NKTR: variants seen among roughly 807,000 people sequenced by gnomAD.
NKTR encodes the protein natural killer cell triggering receptor.
NKTR carries 67 observed loss-of-function variants against 156.3 expected under a neutral mutation model. That is an observed-to-expected ratio of 0.43 (90% CI 0.35 to 0.53). The LOEUF (loss-of-function observed/expected upper bound fraction) is 0.53. Among genes scored for constraint, NKTR ranks in the 20% least tolerant of loss-of-function variants. The pLI, the probability that NKTR is intolerant of heterozygous loss-of-function variation, is 0.01. For synonymous variants in NKTR, 640 were observed against 596.6 expected, an observed-to-expected ratio of 1.07 and a Z score of -1.06; for missense variants, 1,604 against 1,730.9, an observed-to-expected ratio of 0.93 and a Z score of 1.30.
intron 2 of NKTR, chr3:42,601,499 A>G (rs1034213220): frequency 2.0e-5 from 3 of 152,970 alleles, no homozygotes; most frequent in East Asian, 3.8e-4. Flanking sequence ...TTTTGCCTCT[A>G]TTTTTCCTTA....
In NKTR at chr3:42,627,792, T is replaced by C. The variant is rs560493303; in HGVS notation, c.375-2754T>C. 12 of 984,478 alleles carry C rather than the reference T, an allele frequency of 1.2e-5. No homozygotes were observed. The South Asian group carries it at 4.2e-4, about 35-fold the overall frequency. The allele number at this position is 984,478 out of a possible 1,614,324, so 61.0% of individuals were successfully genotyped here. ...ATGTTTTCATAAGCATATATAAATT[T>C]AAACATTTTTGATAGCCTCTGGCCT... On this transcript the variant is annotated intron_variant, in intron 6 of 16. Transcript: ENST00000232978.
At position 42,620,445 on chromosome 3, in the gene NKTR, T is replaced by C. The variant is rs550518063; in HGVS notation, c.286+737T>C. 3 of 995,176 alleles carry C rather than the reference T, an allele frequency of 3.0e-6. No individual in the cohort carries two copies. In the South Asian group the frequency reaches 1.4e-4, roughly 46 times the overall value. 61.6% of individuals were successfully genotyped at this position (995,176 alleles called of 1,614,324 possible). A position where few individuals can be genotyped will look rare whatever the true frequency, so the allele number is the denominator to read the frequency against. Reference sequence around the variant, plus strand: ...CCTTAGAAAAGTCAGTTGCAGAGATTTGTAATGAAATCTAATATTACTAGG... The same window carrying C: ...CCTTAGAAAAGTCAGTTGCAGAGATCTGTAATGAAATCTAATATTACTAGG... On this transcript the variant is annotated intron_variant, in intron 5 of 16. Transcript: ENST00000232978.
intron 8 of NKTR, 78 bp downstream of exon 8, chr3:42,631,394 T>A (rs1708882052): frequency 4.6e-6 from 7 of 1,519,968 alleles, no homozygotes; most frequent in Non-Finnish European, 5.3e-6. Flanking sequence ...ATTTGATTAG[T>A]GGAACTAGTG....
chr3:42,643,998 G>T lies in NKTR; in HGVS notation c.4296G>T (p.Arg1432=). ...ACCGAGGCAGAAGTTATAATCGGCG[G>T]TCCAGGTGGGTCTCTCTCCTTTATC... is the stretch of plus-strand genomic sequence containing the variant. The part of the protein sequence containing the change: ...SYHRGRSYNR[R]SRSCRSYGSD... Residue 1432 remains arginine (R), a synonymous_variant, in exon 16 of 17, where the codon CGG becomes CGT. Coordinates refer to ENST00000232978, the MANE Select transcript of NKTR (RefSeq NM_005385.4). The T allele has an allele frequency of 6.2e-7, 1 of 1,612,016 alleles. No homozygotes were observed.
chr3:42,643,292 C>CCTG (rs1559596194), intron 14 of NKTR, 47 bp from the exon 15 acceptor site: 1 of 1,522,382 alleles, frequency 6.6e-7, no homozygotes, highest in Non-Finnish European at 9.1e-7. Context: ...TATAGCCTGT[C>CCTG]CTGCCCTGAT....
At chr3:42,636,138 GAA>G (rs1709389263) in intron 12 of NKTR, among the ~76,000 whole-genome samples, 1 of 152,122 alleles carries the variant, frequency 6.6e-6, no homozygotes, top group Non-Finnish European at 1.5e-5. Context: ...AATAGCTAGT[GAA>G]AAATATACTA....
At position 42,637,769 on chromosome 3, in the gene NKTR, T is replaced by C. The variant is rs530872294; in HGVS notation, c.2065T>C (p.Ser689Pro). ...SKYSDRSSESSPRSRSRSSRS... is the reference protein window; with the variant it reads ...SKYSDRSSESPPRSRSRSSRS... ...ATACAGTGATAGAAGTTCAGAAAGC[T>C]CACCAAGGTCAAGGAGCAGATCTTC... The change falls in exon 13 of 17, where the codon TCA (serine) becomes CCA (proline). Residue 689 changes from serine (S) to proline (P), a missense_variant. By Grantham distance (74) the Ser-to-Pro change is moderately conservative. This residue lies in a region of NKTR where 1,255 missense variants were observed against 1,243.7 expected (regional missense o/e 1.01). Coordinates refer to ENST00000232978, the MANE Select transcript of NKTR (RefSeq NM_005385.4). The C allele has an allele frequency of 1.1e-4, 178 of 1,613,630 alleles. 2 individuals are homozygous for C. In the South Asian group the frequency reaches 1.9e-3, roughly 17 times the overall value.
chr3:42,634,028 T>A (rs1709158350), intron 10 of NKTR, among the ~76,000 whole-genome samples: 1 of 152,236 alleles, frequency 6.6e-6, no homozygotes. Context: ...CTGATCTTCT[T>A]GCCTTTGCCT....
In NKTR at chr3:42,635,920, A is replaced by T. The variant is rs534249300; in HGVS notation, c.1163+554A>T. On this transcript the variant is annotated intron_variant, in intron 12 of 16. Coordinates refer to ENST00000232978, the MANE Select transcript of NKTR (RefSeq NM_005385.4). ...GAGACTCCGTCTCAAAAAAAAAAAA[A>T]AATAATTAGGACTTAGAAATTATAT... Among the ~76,000 whole-genome samples, 231 of 152,282 alleles carry T rather than the reference A, an allele frequency of 1.5e-3. 1 individual carries two copies. Among genetic ancestry groups the T allele is most frequent in the Non-Finnish European group, 2.3e-3 (157 of 68,024 alleles).
intron 2 of NKTR, among the ~76,000 whole-genome samples, chr3:42,611,975 C>T (rs1706865127): frequency 6.6e-6 from 1 of 150,944 alleles, no homozygotes; most frequent in Admixed American, 6.6e-5. Flanking sequence ...GTGGCATGCT[C>T]CTATGTTCCC....
intron 2 of NKTR, 66 bp downstream of exon 2, chr3:42,601,130 C>G: frequency 1.5e-6 from 2 of 1,301,500 alleles, no homozygotes; most frequent in Admixed American, 2.6e-5. Flanking sequence ...AGGGGTCTAC[C>G]CTCAGCAACC....
intron 2 of NKTR, among the ~76,000 whole-genome samples, chr3:42,616,425 T>A (rs1380902387): frequency 6.6e-6 from 1 of 152,220 alleles, no homozygotes; most frequent in African/African-American, 2.4e-5. Context: ...TCTCATTCTC[T>A]TGTGAATATA....
At position 42,642,612 on chromosome 3, in the gene NKTR, C is replaced by A. The variant is rs778598257; in HGVS notation, c.4142+16C>A. ...AAAGTCACAGGTGAGCTTGTGATCT[C>A]ACCCTGTGATGTGGTCTCCATCATG... On this transcript the variant is annotated intron_variant, in intron 14 of 16. Transcript: ENST00000232978. The A allele has an allele frequency of 1.3e-6, 2 of 1,588,830 alleles. No individual in the cohort carries two copies. The highest frequency in any genetic ancestry group is 2.2e-5 in the South Asian group (2 of 90,588).
intron 15 of NKTR, 191 bp downstream of exon 15, chr3:42,643,586 T>C: frequency 1.6e-6 from 1 of 629,122 alleles, no homozygotes; most frequent in Non-Finnish European, 2.9e-6. Flanking sequence ...GTGTCAAAAA[T>C]GACAATATCA....
Sources: gnomAD v4.1 joint callset for allele counts (sites outside exome capture counted in the v4.1 genomes callset) on GRCh38, gnomAD v4.1.1 for gene constraint, gnomAD v4.1.1 regional missense constraint, MANE v1.5 for transcripts, NCBI Gene and HGNC (gene_info 2026-07-23, HGNC 2026-07-21) for gene names.